ZMYM6: variants seen among roughly 807,000 people sequenced by gnomAD.
ZMYM6 encodes zinc finger MYM-type protein 6.
In ZMYM6, 90 loss-of-function variants were observed where a neutral mutation model predicts 134.0. That is an observed-to-expected ratio of 0.67 (90% CI 0.57 to 0.80). The LOEUF (loss-of-function observed/expected upper bound fraction) is 0.80, where lower values mean the gene tolerates loss of function less well. Ranked by LOEUF, ZMYM6 falls within the 30% of genes least tolerant of loss-of-function variation. The probability of loss-of-function intolerance (pLI) is 0.00; values close to 1 mark genes in which losing one functional copy is unlikely to be tolerated. For synonymous variants in ZMYM6, 481 were observed against 524.1 expected (o/e 0.92, Z 1.12); for missense variants, 1,362 against 1,533.9 (o/e 0.89, Z 1.87).
At chr1:35,028,604 A>G (rs533176272) in intron 2 of ZMYM6, among the ~76,000 whole-genome samples, 1 of 151,254 alleles carries the variant, frequency 6.6e-6, no homozygotes, top group South Asian at 2.1e-4. Flanking sequence ...GGTTCACGCC[A>G]TTCTCCTGCC....
chr1:35,015,316 A>G (rs967060102), intron 4 of ZMYM6, among the ~76,000 whole-genome samples, 154 bp from the exon 5 acceptor site: 1 of 152,206 alleles, frequency 6.6e-6, no homozygotes, highest in African/African-American at 2.4e-5. Context: ...GAGTTCTGCT[A>G]TTTATCAGGT....
intron 14 of ZMYM6, among the ~76,000 whole-genome samples, chr1:34,997,988 A>T (rs1342853709): frequency 1.3e-5 from 2 of 152,088 alleles, no homozygotes; most frequent in African/African-American, 4.8e-5. Flanking sequence ...CACATTTTAA[A>T]TATATGTTTG....
At chr1:35,031,406 G>A (rs1641522516) in intron 1 of ZMYM6, 1 of 152,212 alleles carries the variant, frequency 6.6e-6, no homozygotes, top group Admixed American at 6.5e-5. Context: ...AACTAAACGG[G>A]ACGAATTAAA....
chr1:34,992,503 A>G, intron 14 of ZMYM6, 116 bp from the exon 15 acceptor site: 2 of 1,151,156 alleles, frequency 1.7e-6, no homozygotes, highest in Non-Finnish European at 2.3e-6. Context: ...ATTCCTCTGA[A>G]AGAGTGGTTG....
chr1:35,019,656 C>A (rs1485988045), intron 3 of ZMYM6, 54 bp from the exon 4 acceptor site: 1 of 1,503,994 alleles, frequency 6.6e-7, no homozygotes, highest in Non-Finnish European at 8.9e-7. Context: ...CATATACAGT[C>A]TCAGTCTCTC....
At chr1:35,017,495 G>C (rs995507880) in intron 4 of ZMYM6, 6 of 150,696 alleles carry the variant, frequency 4.0e-5, no homozygotes, top group African/African-American at 1.5e-4. Context: ...ATGAAAATCT[G>C]TGCACATAAA....
intron 12 of ZMYM6, 36 bp downstream of exon 12, chr1:35,006,915 T>C (rs747665896): frequency 1.3e-6 from 2 of 1,586,328 alleles, no homozygotes; most frequent in Non-Finnish European, 8.6e-7. Context: ...GTCCTAGCAC[T>C]GACATAAAAA....
chr1:35,006,223 G>A (rs1164869124), intron 12 of ZMYM6, among the ~76,000 whole-genome samples: 1 of 152,116 alleles, frequency 6.6e-6, no homozygotes, highest in Admixed American at 6.6e-5. Context: ...TACCAGTCTG[G>A]TCTCGAACTC....
chr1:35,025,738 C>A (rs1641402400), intron 2 of ZMYM6, among the ~76,000 whole-genome samples: 1 of 152,138 alleles, frequency 6.6e-6, no homozygotes, highest in Non-Finnish European at 1.5e-5. Flanking sequence ...AGTTTACCAT[C>A]CTGGTTAAGG....
At position 35,016,924 on chromosome 1, in the gene ZMYM6, G is replaced by C. The variant is rs184616853; in HGVS notation, c.429-1762C>G. Among the ~76,000 whole-genome samples, 357 of 151,430 alleles carry C rather than the reference G, an allele frequency of 2.4e-3. 1 individual carries two copies. The highest frequency in any genetic ancestry group is 8.3e-3 in the African/African-American group (342 of 41,230). On this transcript the variant is annotated intron_variant, in intron 4 of 15. Transcript: ENST00000357182. ...GGATGCTGAGGTGGGAGGATTGCTT[G>C]AGCCCGGGAGGTAGAGGCTGCAGTG...
At position 35,015,155 on chromosome 1, in the gene ZMYM6, A is replaced by G; in HGVS notation, c.436T>C (p.Leu146=). The change falls in exon 5 of 16, where the codon TTA becomes CTA. Residue 146 remains leucine (L), a synonymous_variant. Transcript: ENST00000357182. ...GTTGTGATCACATCCTTAGGATTTA[A>G]AATGTCTCTAAAAATAAATAACAAA... ...KTCTNCSKDI[L]NPKDVITTRF... The G allele has an allele frequency of 6.3e-7, 1 of 1,587,686 alleles. No homozygotes were observed. The highest frequency in any genetic ancestry group is 1.1e-5 in the South Asian group (1 of 87,278).
At position 34,987,456 on chromosome 1, in the gene ZMYM6, C is replaced by G; in HGVS notation, c.3626G>C (p.Arg1209Pro). 6 of 1,613,854 alleles carry G rather than the reference C, an allele frequency of 3.7e-6. No homozygotes were observed. The highest frequency in any genetic ancestry group is 5.1e-6 in the Non-Finnish European group (6 of 1,179,962). Residue 1209 changes from arginine (R) to proline (P), a missense_variant, in exon 16 of 16, where the codon CGT (arginine) becomes CCT (proline). By Grantham distance (103) the Arg-to-Pro change is moderately radical. Transcript: ENST00000357182. ...SDCFPPEQDL[R>P]SGNLWIIHPF... ...GTGAATTATCCACAAATTTCCTGAA[C>G]GCAAGTCTTGTTCTGGTGGAAAACA...
chr1:35,011,723 T>C (rs1447043936), intron 8 of ZMYM6, among the ~76,000 whole-genome samples, 167 bp downstream of exon 8: 1 of 152,238 alleles, frequency 6.6e-6, no homozygotes, highest in Non-Finnish European at 1.5e-5. Context: ...ATATCTGGGT[T>C]CAGATATTTT....
intron 2 of ZMYM6, among the ~76,000 whole-genome samples, chr1:35,024,535 C>G (rs979228315): frequency 6.6e-6 from 1 of 152,192 alleles, no homozygotes; most frequent in Non-Finnish European, 1.5e-5. Context: ...AACCCCAAAA[C>G]CTGTAAGTAT....
intron 2 of ZMYM6, among the ~76,000 whole-genome samples, chr1:35,028,659 C>T (rs1641460221): frequency 1.3e-5 from 2 of 151,608 alleles, no homozygotes; most frequent in South Asian, 4.2e-4. Context: ...ACCACCACGC[C>T]CAGCTAATTT....
Position 35,012,519 on chromosome 1 carries a change from A to T in ZMYM6, c.858T>A (p.Ile286=), listed in dbSNP as rs1425326893. 1 of 1,613,368 alleles carries T rather than the reference A, an allele frequency of 6.2e-7. No homozygotes were observed. Among genetic ancestry groups the T allele is most frequent in the Non-Finnish European group, 8.5e-7 (1 of 1,179,752 alleles). The change falls in exon 7 of 16, where the codon ATT becomes ATA. Residue 286 remains isoleucine (I), a synonymous_variant. Coordinates refer to ENST00000357182, the MANE Select transcript of ZMYM6 (RefSeq NM_007167.4). ...TTTTTCCTGAATCATTTGTAGTCTC[A>T]ATCATTTCAGCTGAGGGCCTCAATG... ...GKSLRPSAEM[I]ETTNDSGKTE... is the part of the protein sequence containing the mutation.
chr1:35,030,633 C>T lies in ZMYM6; in HGVS notation c.7G>A (p.Glu3Lys), dbSNP rs1641503974. ...TTGCCACATTCACCATCCAAAGGTT[C>T]TTTCATTCTAATTTTTTACCTCAAA... MKEPLDGECGKAV... is the reference protein window; with the variant it reads MKKPLDGECGKAV... The change falls in exon 2 of 16, where the codon GAA (glutamate) becomes AAA (lysine). Residue 3 changes from glutamate (E) to lysine (K), a missense_variant. Coordinates refer to ENST00000357182, the MANE Select transcript of ZMYM6 (RefSeq NM_007167.4). The T allele has an allele frequency of 6.2e-7, 1 of 1,611,748 alleles. No individual in the cohort carries two copies. The highest frequency in any genetic ancestry group is 8.5e-7 in the Non-Finnish European group (1 of 1,179,712).
chr1:34,996,159 GGTACTGATAGACATTATATCAAATTAT>G (rs1424845602), intron 14 of ZMYM6, among the ~76,000 whole-genome samples: 2 of 151,960 alleles, frequency 1.3e-5, no homozygotes, highest in Admixed American at 1.3e-4. Context: ...TAATTCTGAT[GGTACTGATAGACATTATATCAAATTAT>G]GTGACCATTA....
intron 14 of ZMYM6, among the ~76,000 whole-genome samples, chr1:34,995,144 CACAT>C (rs1330973479): frequency 1.4e-5 from 2 of 144,946 alleles, no homozygotes; most frequent in Non-Finnish European, 3.0e-5. Context: ...TACACACACA[CACAT>C]ACACACACAC....
Sources: allele counts gnomAD v4.1 joint callset (sites outside exome capture counted in the v4.1 genomes callset), GRCh38; gene constraint gnomAD v4.1.1; transcripts MANE v1.5; gene names NCBI Gene and HGNC (gene_info 2026-07-23, HGNC 2026-07-21).